Variants in STON2 observed in about 807,000 individuals in gnomAD.
STON2 encodes the protein stonin 2.
STON2 carries 29 observed loss-of-function variants against 65.7 expected under a neutral mutation model. The ratio of observed to expected loss-of-function variants is 0.44; its 90% CI spans 0.33 to 0.60. The LOEUF (loss-of-function observed/expected upper bound fraction) is 0.60. Among genes scored for constraint, STON2 ranks in the 20% least tolerant of loss-of-function variants. STON2 has a pLI of 0.03. For missense variants in STON2, 1,054 were observed against 1,118.1 expected, an observed-to-expected ratio of 0.94 and a Z score of 0.82; for synonymous variants, 404 against 414.2, an observed-to-expected ratio of 0.98 and a Z score of 0.30.
At chr14:81,307,447 A>G (rs753264463) in intron 5 of STON2, among the ~76,000 whole-genome samples, 1 of 152,250 alleles carries the variant, frequency 6.6e-6, no homozygotes, top group Non-Finnish European at 1.5e-5. Flanking sequence ...GGGACAATAC[A>G]AAACAGTATG....
chr14:81,285,289 C>G (rs572267994), intron 5 of STON2, among the ~76,000 whole-genome samples: 14 of 152,324 alleles, frequency 9.2e-5, no homozygotes, highest in African/African-American at 3.1e-4. Flanking sequence ...TTACAAACAT[C>G]TGTGATTCAT....
intron 4 of STON2, among the ~76,000 whole-genome samples, chr14:81,358,560 T>C (rs1236398986): frequency 6.6e-6 from 1 of 152,158 alleles, no homozygotes; most frequent in Non-Finnish European, 1.5e-5. Flanking sequence ...AATACTTACC[T>C]TGAATGTAAA....
chr14:81,365,238 G>A (rs1450056754), intron 4 of STON2, among the ~76,000 whole-genome samples: 1 of 152,204 alleles, frequency 6.6e-6, no homozygotes, highest in Non-Finnish European at 1.5e-5. Context: ...CGTCTTGTTT[G>A]CTGGCTTTGG....
At position 81,261,972 on chromosome 14, in the gene STON2, G is replaced by A. The variant is rs1293631727; in HGVS notation, c.*6442C>T. On this transcript the variant is annotated 3_prime_UTR_variant, in exon 8 of 8. Transcript: ENST00000614646. The stretch of plus-strand genomic sequence containing the variant: ...AAAAAAAAAAAAAAAAGAGAGAGAT[G>A]TGAAAAGGAAAAAGATGGACCAGGT... 3.6e-6 allele frequency: 5 copies of A among 1,375,182 alleles called. No individual in the cohort carries two copies. The East Asian group carries it at 7.8e-5, about 21-fold the overall frequency. 85.2% of individuals were successfully genotyped at this position (1,375,182 alleles called of 1,614,324 possible). A position where few individuals can be genotyped will look rare whatever the true frequency, so the allele number is the denominator to read the frequency against.
intron 2 of STON2, among the ~76,000 whole-genome samples, chr14:81,410,446 T>C (rs1427104530): frequency 6.6e-6 from 1 of 152,168 alleles, no homozygotes; most frequent in Non-Finnish European, 1.5e-5. Context: ...TCAATTGACC[T>C]TAAGACAGGG....
Position 81,371,152 on chromosome 14 carries a change from G to C in STON2, c.407C>G (p.Pro136Arg). Residue 136 changes from proline (P) to arginine (R), a missense_variant, in exon 4 of 8, where the codon CCT becomes CGT. Transcript: ENST00000614646. ...GCATCTCCCCAGGGAGTCAAAGGAA[G>C]GGCATGTCCAGCAGGGCATGGTCAA... ...LPLTMPCWTC[P>R]SFDSLGRCPL... 1 of 1,614,146 alleles carries C rather than the reference G, an allele frequency of 6.2e-7. No homozygotes were observed. Among genetic ancestry groups the C allele is most frequent in the Admixed American group, 1.7e-5 (1 of 60,022 alleles).
At chr14:81,427,816 T>A (rs1021702830) in intron 1 of STON2, among the ~76,000 whole-genome samples, 8 of 152,072 alleles carry the variant, frequency 5.3e-5, no homozygotes, top group African/African-American at 1.9e-4. Context: ...CTACCAGGCA[T>A]CTCCCAGGGT....
At chr14:81,303,061 T>C (rs74065077) in intron 5 of STON2, among the ~76,000 whole-genome samples, 1 of 135,288 alleles carries the variant, frequency 7.4e-6, no homozygotes, top group African/African-American at 3.1e-5. Flanking sequence ...GTGTGGGGGG[T>C]GTGTGTGTGT....
intron 6 of STON2, among the ~76,000 whole-genome samples, chr14:81,276,657 G>C (rs1426406405): frequency 6.6e-6 from 1 of 152,218 alleles, no homozygotes; most frequent in Non-Finnish European, 1.5e-5. Context: ...GCTCAGCTGA[G>C]AAGAATAATC....
At chr14:81,412,968 C>A (rs1374431467) in intron 2 of STON2, 4 of 1,028,634 alleles carry the variant, frequency 3.9e-6, no homozygotes, top group Non-Finnish European at 5.8e-6. Flanking sequence ...CCATGGGTAA[C>A]CATGTGCGAC....
At chr14:81,362,001 T>C (rs1898513887) in intron 4 of STON2, among the ~76,000 whole-genome samples, 1 of 151,952 alleles carries the variant, frequency 6.6e-6, no homozygotes, top group African/African-American at 2.4e-5. Context: ...CTAGCGTTGG[T>C]GAGGATGTGG....
At chr14:81,287,300 G>C (rs1196816533) in intron 5 of STON2, among the ~76,000 whole-genome samples, 2 of 152,192 alleles carry the variant, frequency 1.3e-5, no homozygotes, top group African/African-American at 2.4e-5. Context: ...TAATGATAAA[G>C]AGGACGCCAG....
intron 3 of STON2, among the ~76,000 whole-genome samples, chr14:81,380,908 C>A (rs1899482300): frequency 6.6e-6 from 1 of 151,994 alleles, no homozygotes; most frequent in Non-Finnish European, 1.5e-5. Context: ...TATCTGTAGA[C>A]CAAACCCCCA....
chr14:81,413,840 T>C (rs1901291276), intron 2 of STON2, among the ~76,000 whole-genome samples: 1 of 139,780 alleles, frequency 7.2e-6, no homozygotes, highest in Non-Finnish European at 1.5e-5. Flanking sequence ...GTTGCACATG[T>C]GAAGAAAACA....
intron 5 of STON2, among the ~76,000 whole-genome samples, chr14:81,295,860 T>C (rs1042742131): frequency 6.6e-6 from 1 of 152,308 alleles, no homozygotes; most frequent in East Asian, 1.9e-4. Context: ...GTTAGAAAAT[T>C]TGGAAGGTGC....
At chr14:81,329,665 C>T (rs1289612229) in intron 4 of STON2, among the ~76,000 whole-genome samples, 1 of 152,034 alleles carries the variant, frequency 6.6e-6, no homozygotes, top group African/African-American at 2.4e-5. Context: ...ACCCAGTTTG[C>T]GGTAATTTGT....
In STON2 at chr14:81,262,898, A is replaced by G; in HGVS notation, c.*5516T>C. On this transcript the variant is annotated 3_prime_UTR_variant, in exon 8 of 8. Transcript: ENST00000614646. ...TTAATTCCTTAAACACATAAATATG[A>G]GTCATGATATCTAAAGCCAGTCTCA... 1 of 985,466 alleles carries G rather than the reference A, an allele frequency of 1.0e-6. No homozygotes were observed. The highest frequency in any genetic ancestry group is 4.7e-5 in the South Asian group (1 of 21,290). The allele number at this position is 985,466 out of a possible 1,614,324, so 61.0% of individuals were successfully genotyped here.
intron 1 of STON2, among the ~76,000 whole-genome samples, chr14:81,431,786 A>G (rs996725809): frequency 6.6e-6 from 1 of 151,964 alleles, no homozygotes; most frequent in Admixed American, 6.6e-5. Flanking sequence ...TCAAAAAAAA[A>G]AAAAAAAAAT....
intron 5 of STON2, among the ~76,000 whole-genome samples, chr14:81,316,592 G>GC: frequency 6.6e-6 from 1 of 152,188 alleles, no homozygotes; most frequent in Admixed American, 6.5e-5. Flanking sequence ...ATCTCAGTTG[G>GC]CCATTAGATG....
Sources: gnomAD v4.1 joint callset for allele counts (sites outside exome capture counted in the v4.1 genomes callset) on GRCh38, gnomAD v4.1.1 for gene constraint, MANE v1.5 for transcripts, NCBI Gene and HGNC (gene_info 2026-07-23, HGNC 2026-07-21) for gene names.